WDR59: variants seen among roughly 807,000 people sequenced by gnomAD.
WDR59 encodes WD repeat domain 59, also known as GATOR2 complex protein WDR59.
A neutral mutation model predicts 131.2 loss-of-function variants in WDR59; 100 were observed. That is an observed-to-expected ratio of 0.76 (90% CI 0.65 to 0.90). WDR59 has a LOEUF of 0.90. Ranked by LOEUF, WDR59 falls within the 40% of genes least tolerant of loss-of-function variation. WDR59 has a pLI of 0.00. For synonymous variants in WDR59, 601 were observed against 466.2 expected, an observed-to-expected ratio of 1.29 and a Z score of -3.72; for missense variants, 1,203 against 1,262.2, an observed-to-expected ratio of 0.95 and a Z score of 0.71.
intron 13 of WDR59, among the ~76,000 whole-genome samples, chr16:74,914,612 G>A (rs1038107068): frequency 3.7e-4 from 50 of 136,094 alleles, no homozygotes; most frequent in Non-Finnish European, 6.4e-4. Flanking sequence ...TTTTTTTTTC[G>A]AGACGGAGTC....
At chr16:74,914,337 T>C (rs1361211911) in intron 13 of WDR59, among the ~76,000 whole-genome samples, 1 of 152,208 alleles carries the variant, frequency 6.6e-6, no homozygotes, top group East Asian at 1.9e-4. Context: ...TGTCCTCAAA[T>C]GGGACAAAGG....
chr16:74,972,386 A>G (rs1043181187), intron 1 of WDR59, among the ~76,000 whole-genome samples: 27 of 152,298 alleles, frequency 1.8e-4, no homozygotes, highest in Non-Finnish European at 5.9e-5. Context: ...CAAAGGCAAC[A>G]GTGTTCTGAA....
At chr16:74,965,657 A>G in intron 2 of WDR59, 116 bp downstream of exon 2, 1 of 1,290,202 alleles carries the variant, frequency 7.8e-7, no homozygotes, top group Non-Finnish European at 1.1e-6. Context: ...GGATATCAGA[A>G]CTAAACCCTA....
chr16:74,888,144 C>G, intron 22 of WDR59, 25 bp downstream of exon 22: 1 of 1,472,088 alleles, frequency 6.8e-7, no homozygotes, highest in Non-Finnish European at 9.0e-7. Context: ...AAAAATCAGA[C>G]AAAACCAGAA....
intron 8 of WDR59, among the ~76,000 whole-genome samples, chr16:74,928,188 G>C (rs1485430587): frequency 6.8e-6 from 1 of 147,128 alleles, no homozygotes; most frequent in Non-Finnish European, 1.5e-5. Flanking sequence ...TTACAGGTGT[G>C]AGCCACTGCA....
chr16:74,984,644 C>G (rs925741663), intron 1 of WDR59: 1 of 375,510 alleles, frequency 2.7e-6, no homozygotes, highest in Non-Finnish European at 4.9e-6. Context: ...GAAGCCGTCA[C>G]GCCCTCGCTC....
intron 7 of WDR59, among the ~76,000 whole-genome samples, chr16:74,941,970 T>G (rs995810373): frequency 6.6e-6 from 1 of 152,150 alleles, no homozygotes; most frequent in African/African-American, 2.4e-5. Flanking sequence ...GCCCCAGGTC[T>G]CACAGGCAGG....
rs116174244 is a variant in WDR59 at position 74,903,122 on chromosome 16, T to G, written c.1866+825A>C. On this transcript the variant is annotated intron_variant, in intron 18 of 25. Transcript: ENST00000262144. Reference sequence around the variant, plus strand: ...AGGAACTTCTAATACTTCCTAGAAATGGGTGTTTTGTCCAAAATAATTCAA... The same window carrying G: ...AGGAACTTCTAATACTTCCTAGAAAGGGGTGTTTTGTCCAAAATAATTCAA... Among the ~76,000 whole-genome samples, 198 of 152,256 alleles carry G rather than the reference T, an allele frequency of 1.3e-3. 1 individual carries two copies. Among genetic ancestry groups the G allele is most frequent in the African/African-American group, 4.5e-3 (187 of 41,554 alleles).
chr16:74,876,066 C>T (rs1385512404), intron 25 of WDR59, among the ~76,000 whole-genome samples: 1 of 152,128 alleles, frequency 6.6e-6, no homozygotes, highest in African/African-American at 2.4e-5. Context: ...CTTCCAATCT[C>T]CCACCTCTCC....
chr16:74,949,632 G>T (rs535508517), intron 5 of WDR59, 86 bp downstream of exon 5: 2 of 1,239,906 alleles, frequency 1.6e-6, no homozygotes, highest in Non-Finnish European at 2.3e-6. Flanking sequence ...TGTATCGAGG[G>T]GAAACCAAAC....
At position 74,949,741 on chromosome 16, in the gene WDR59, G is replaced by A. The variant is rs143754167; in HGVS notation, c.384C>T (p.Thr128=). 5,217 of 1,613,842 alleles carry A rather than the reference G, an allele frequency of 3.2e-3. 14 individuals are homozygous for A. Among genetic ancestry groups the A allele is most frequent in the Non-Finnish European group, 4.1e-3 (4,896 of 1,179,888 alleles). ...PDLLVTSSVD[T]YIYIWDIKDT... ...ACTTGATATCCCAAATGTAGATGTA[G>A]GTGTCCACAGAGCTGGTAACCAGGA... The change falls in exon 5 of 26, where the codon ACC becomes ACT. Residue 128 remains threonine, a synonymous_variant. Coordinates refer to ENST00000262144, the MANE Select transcript of WDR59 (RefSeq NM_030581.4).
rs767371477 is a variant in WDR59 at position 74,888,296 on chromosome 16, C to T, written c.2219G>A (p.Arg740Gln). ...ESLLAHYCRL[R>Q]DVQTLAMLCS... is the part of the protein sequence containing the mutation. ...GAGCATCGCCAGTGTCTGAACATCC[C>T]GGAGCCGGCAATAGTGAGCCAACCT... The change falls in exon 22 of 26, where the codon CGG becomes CAG. Residue 740 changes from arginine (R) to glutamine (Q), a missense_variant. By Grantham distance (43) the Arg-to-Gln change is conservative (BLOSUM62 1). Transcript: ENST00000262144. 1.1e-4 allele frequency: 176 copies of T among 1,613,436 alleles called. No individual in the cohort carries two copies. In the Middle Eastern group the frequency reaches 2.0e-3, roughly 18 times the overall value.
intron 1 of WDR59, 177 bp downstream of exon 1, chr16:74,984,787 C>T: frequency 2.4e-6 from 2 of 829,546 alleles, no homozygotes; most frequent in South Asian, 3.5e-5. Flanking sequence ...CCCCGATTGC[C>T]CCCGATGGTC....
At chr16:74,899,654 G>T (rs1425698116) in intron 18 of WDR59, 35 of 1,279,944 alleles carry the variant, frequency 2.7e-5, no homozygotes, top group African/African-American at 1.1e-4. Context: ...GCCTCGGGTA[G>T]AGACAGGATT....
At chr16:74,947,325 G>A (rs1180461250) in intron 6 of WDR59, among the ~76,000 whole-genome samples, 1 of 152,114 alleles carries the variant, frequency 6.6e-6, no homozygotes, top group African/African-American at 2.4e-5. Context: ...GCACATGCCT[G>A]TAGTCCCGCC....
chr16:74,883,635 C>T (rs111431142), intron 25 of WDR59, among the ~76,000 whole-genome samples: 2,287 of 152,264 alleles, frequency 0.015, 40 homozygotes, highest in African/African-American at 0.05. Context: ...AACACCTCTC[C>T]CTGCTCAGTC....
rs1443943051 is a variant in WDR59, at chr16:74,981,957, T to C, written c.54+3007A>G. On this transcript the variant is annotated intron_variant, in intron 1 of 25. Coordinates refer to ENST00000262144, the MANE Select transcript of WDR59 (RefSeq NM_030581.4). The stretch of plus-strand genomic sequence containing the variant: ...AGGCGTGAGCCACCACGCCTGGCCA[T>C]ATATGTATATTTTTTAGGCCAGGCA... Among the ~76,000 whole-genome samples the C allele has an allele frequency of 4.8e-5, 6 of 123,892 alleles. No homozygotes were observed. The South Asian group carries it at 1.5e-3, about 32-fold the overall frequency. 81.3% of individuals were successfully genotyped at this position (123,892 alleles called of 152,430 possible). A position where few individuals can be genotyped will look rare whatever the true frequency, so the allele number is the denominator to read the frequency against.
At chr16:74,949,241 G>C (rs1266740661) in intron 5 of WDR59, among the ~76,000 whole-genome samples, 5 of 149,874 alleles carry the variant, frequency 3.3e-5, no homozygotes, top group Non-Finnish European at 7.4e-5. Flanking sequence ...TGAAGTGAGA[G>C]GATCACCTGA....
At chr16:74,903,302 A>C (rs1965640212) in intron 18 of WDR59, among the ~76,000 whole-genome samples, 1 of 152,228 alleles carries the variant, frequency 6.6e-6, no homozygotes, top group Admixed American at 6.5e-5. Flanking sequence ...CAGACCTGCA[A>C]TCTGTCAACA....
Sources: gnomAD v4.1 joint callset for allele counts (sites outside exome capture counted in the v4.1 genomes callset) on GRCh38, gnomAD v4.1.1 for gene constraint, MANE v1.5 for transcripts, NCBI Gene and HGNC (gene_info 2026-07-23, HGNC 2026-07-21) for gene names.